Variants in CHST11 observed in about 807,000 individuals in gnomAD.
CHST11 encodes the protein carbohydrate sulfotransferase 11.
In CHST11, 9 loss-of-function variants were observed where a neutral mutation model predicts 30.4. The ratio of observed to expected loss-of-function variants is 0.30; its 90% CI spans 0.18 to 0.52. CHST11 has a LOEUF of 0.52. Among genes scored for constraint, CHST11 ranks in the 20% least tolerant of loss-of-function variants. The pLI, the probability that CHST11 is intolerant of heterozygous loss-of-function variation, is 0.97. For missense variants in CHST11, 348 were observed against 460.6 expected, an observed-to-expected ratio of 0.76 and a Z score of 2.24; for synonymous variants, 152 against 187.8, an observed-to-expected ratio of 0.81 and a Z score of 1.56.
At chr12:104,511,816 C>T (rs1180674270) in intron 1 of CHST11, among the ~76,000 whole-genome samples, 1 of 152,134 alleles carries the variant, frequency 6.6e-6, no homozygotes. Context: ...AAATGCAGGA[C>T]TCAGTAATGG....
At chr12:104,626,508 A>G (rs7132779) in intron 2 of CHST11, among the ~76,000 whole-genome samples, 3,532 of 149,550 alleles carry the variant, frequency 0.024, 140 homozygotes, top group South Asian at 0.084. Context: ...ACATGAAATC[A>G]TGTGTGAGAG....
intron 1 of CHST11, among the ~76,000 whole-genome samples, chr12:104,457,732 C>T (rs1313031294): frequency 6.6e-6 from 1 of 151,738 alleles, no homozygotes; most frequent in Non-Finnish European, 1.5e-5. Flanking sequence ...GTGTGCTTCG[C>T]CCTCTTCTTC....
At chr12:104,746,377 C>CT (rs1340424673) in intron 2 of CHST11, among the ~76,000 whole-genome samples, 1 of 152,156 alleles carries the variant, frequency 6.6e-6, no homozygotes, top group East Asian at 1.9e-4. Flanking sequence ...AAATCCTGGG[C>CT]TTTCCTTTCT....
chr12:104,744,944 GC>G (rs2040378977), intron 2 of CHST11, among the ~76,000 whole-genome samples: 1 of 151,954 alleles, frequency 6.6e-6, no homozygotes, highest in Non-Finnish European at 1.5e-5. Flanking sequence ...CATGATCTCG[GC>G]TCACTGCAAC....
chr12:104,459,457 G>A (rs969514493), intron 1 of CHST11, among the ~76,000 whole-genome samples: 4 of 152,224 alleles, frequency 2.6e-5, no homozygotes, highest in Admixed American at 6.5e-5. Context: ...CTGTACGAAT[G>A]CCCAGAACAC....
At chr12:104,590,878 C>T (rs1006967484) in intron 1 of CHST11, among the ~76,000 whole-genome samples, 13 of 151,936 alleles carry the variant, frequency 8.6e-5, no homozygotes, top group Admixed American at 8.5e-4. Context: ...GCCAATATCG[C>T]ACCACTTTAC....
chr12:104,555,248 A>G (rs181727094), intron 1 of CHST11, among the ~76,000 whole-genome samples: 1 of 152,226 alleles, frequency 6.6e-6, no homozygotes. Context: ...CCATGTCTCT[A>G]TTCTCTGGTG....
chr12:104,752,969 G>A (rs374411868), intron 2 of CHST11, among the ~76,000 whole-genome samples: 4 of 152,302 alleles, frequency 2.6e-5, no homozygotes, highest in African/African-American at 9.6e-5. Context: ...TGCAAGCACC[G>A]GGGATATCGC....
At chr12:104,735,732 A>G (rs1466904927) in intron 2 of CHST11, among the ~76,000 whole-genome samples, 2 of 152,226 alleles carry the variant, frequency 1.3e-5, no homozygotes, top group Non-Finnish European at 2.9e-5. Flanking sequence ...TGAGAGACAG[A>G]GCCTGAGGGG....
At chr12:104,610,882 A>G (rs1346721087) in intron 2 of CHST11, among the ~76,000 whole-genome samples, 1 of 152,242 alleles carries the variant, frequency 6.6e-6, no homozygotes, top group Non-Finnish European at 1.5e-5. Flanking sequence ...CTTGTTTATA[A>G]AACAGGAATA....
intron 1 of CHST11, among the ~76,000 whole-genome samples, chr12:104,594,350 T>C (rs11112125): frequency 0.28 from 42,884 of 152,028 alleles, 6,212 homozygotes; most frequent in African/African-American, 0.34. Context: ...ATCCTTGAAA[T>C]AAAATGAAAT....
At chr12:104,623,580 C>T (rs1008989501) in intron 2 of CHST11, among the ~76,000 whole-genome samples, 2 of 152,122 alleles carry the variant, frequency 1.3e-5, no homozygotes, top group Non-Finnish European at 2.9e-5. Flanking sequence ...CATGGTGGCA[C>T]ATGCCTATAA....
At chr12:104,731,653 G>A (rs1296778826) in intron 2 of CHST11, among the ~76,000 whole-genome samples, 3 of 152,226 alleles carry the variant, frequency 2.0e-5, no homozygotes, top group Admixed American at 6.5e-5. Flanking sequence ...GGGCCTCAGC[G>A]TTTCCATCTG....
chr12:104,700,698 T>C (rs2039984852), intron 2 of CHST11, among the ~76,000 whole-genome samples: 1 of 152,196 alleles, frequency 6.6e-6, no homozygotes, highest in South Asian at 2.1e-4. Flanking sequence ...ACTTTTTCTT[T>C]TTGGCACCTA....
chr12:104,603,425 G>A (rs755986467), intron 2 of CHST11, among the ~76,000 whole-genome samples: 5 of 152,156 alleles, frequency 3.3e-5, no homozygotes, highest in South Asian at 2.1e-4. Context: ...TGAAGTCACC[G>A]CCCCTGTGGA....
chr12:104,659,499 C>T (rs2039577350), intron 2 of CHST11, among the ~76,000 whole-genome samples: 1 of 152,114 alleles, frequency 6.6e-6, no homozygotes, highest in African/African-American at 2.4e-5. Flanking sequence ...GGCTGCTGAG[C>T]ACTTGAAATG....
intron 1 of CHST11, among the ~76,000 whole-genome samples, chr12:104,500,513 G>A (rs777000942): frequency 2.0e-5 from 3 of 151,686 alleles, no homozygotes; most frequent in East Asian, 1.9e-4. Flanking sequence ...TTACCAACAC[G>A]AGACTTATTC....
At chr12:104,627,474 C>G (rs1232969652) in intron 2 of CHST11, among the ~76,000 whole-genome samples, 2 of 152,152 alleles carry the variant, frequency 1.3e-5, no homozygotes, top group East Asian at 3.9e-4. Flanking sequence ...CTGGAATGTC[C>G]TCATCAGCAG....
chr12:104,735,265 A>G (rs774562640), intron 2 of CHST11, among the ~76,000 whole-genome samples: 1 of 152,200 alleles, frequency 6.6e-6, no homozygotes, highest in Non-Finnish European at 1.5e-5. Context: ...AAATGGAAAT[A>G]TAATACGTCT....
Sources: allele counts gnomAD v4.1 joint callset (sites outside exome capture counted in the v4.1 genomes callset), GRCh38; gene constraint gnomAD v4.1.1; transcripts MANE v1.5; gene names NCBI Gene and HGNC (gene_info 2026-07-23, HGNC 2026-07-21).